The following TCTN3 variants were observed in gnomAD, a reference collection of about 807,000 sequenced individuals.
The protein encoded by TCTN3 is tectonic family member 3.
In TCTN3, 57 loss-of-function variants were observed where a neutral mutation model predicts 71.3. The ratio of observed to expected loss-of-function variants is 0.80; its 90% CI spans 0.65 to 1.00. TCTN3 has a LOEUF of 1.00. TCTN3 is among the 50% of genes least tolerant of loss of function. The pLI, the probability that TCTN3 is intolerant of heterozygous loss-of-function variation, is 0.00. For synonymous variants in TCTN3, 258 were observed against 267.8 expected, an observed-to-expected ratio of 0.96 and a Z score of 0.36; for missense variants, 696 against 719.9, an observed-to-expected ratio of 0.97 and a Z score of 0.38.
At chr10:95,684,666 G>A (rs1368460765) in intron 8 of TCTN3, 42 bp from the exon 9 acceptor site, 1 of 1,606,942 alleles carries the variant, frequency 6.2e-7, no homozygotes, top group Admixed American at 1.7e-5. Flanking sequence ...GTAGTTATTG[G>A]GCCGAATATG....
intron 3 of TCTN3, among the ~76,000 whole-genome samples, chr10:95,692,580 CAAA>C (rs11346971): frequency 2.1e-5 from 3 of 143,012 alleles, no homozygotes; most frequent in African/African-American, 2.6e-5. Flanking sequence ...ATTCAAAGGA[CAAA>C]AAAAAAAAAA....
intron 13 of TCTN3, among the ~76,000 whole-genome samples, chr10:95,679,583 CTTTTTTTTTTTTTT>C (rs201828119): frequency 0.27 from 26,685 of 97,768 alleles, 2,869 homozygotes; most frequent in Middle Eastern, 0.38. Context: ...CTAGTCATTT[CTTTTTTTTTTTTTT>C]TTTTTTTTTT....
At chr10:95,687,746 G>C in intron 3 of TCTN3, 27 bp from the exon 4 acceptor site, 1 of 1,592,666 alleles carries the variant, frequency 6.3e-7, no homozygotes, top group Non-Finnish European at 8.5e-7. Flanking sequence ...AAGAAAAAGC[G>C]TTTAGATAAA....
chr10:95,671,786 C>T (rs2097931687), intron 13 of TCTN3, among the ~76,000 whole-genome samples: 2 of 152,016 alleles, frequency 1.3e-5, no homozygotes, highest in South Asian at 2.1e-4. Context: ...AGTAGAGACA[C>T]GGTTTCACCA....
At position 95,663,878 on chromosome 10, in the gene TCTN3, AT is replaced by A; in HGVS notation, c.*188del. ...CCTGCAGAGCCCAAAGCAGAGAGCT[AT>A]GATGAATAAAATATTTTTATTGCTT... On this transcript the variant is annotated 3_prime_UTR_variant, in exon 14 of 14. Coordinates refer to ENST00000371217, the MANE Select transcript of TCTN3 (RefSeq NM_015631.6). 1.8e-6 allele frequency: 1 copy of A among 563,238 alleles called. No homozygotes were observed. Among genetic ancestry groups the A allele is most frequent in the Non-Finnish European group, 3.1e-6 (1 of 317,864 alleles). 34.9% of individuals were successfully genotyped at this position (563,238 alleles called of 1,614,324 possible).
intron 13 of TCTN3, among the ~76,000 whole-genome samples, chr10:95,675,154 G>A (rs552787666): frequency 4.6e-5 from 7 of 152,246 alleles, no homozygotes; most frequent in South Asian, 4.1e-4. Context: ...GTTCAGTGGC[G>A]CGATCTCGGC....
rs907002168 is a variant in TCTN3, at chr10:95,693,395, T to C, written c.338A>G (p.His113Arg). ...CCCDRDCYLL[H>R]PRTVFSFCLP... is the part of the protein sequence containing the mutation. ...GCAGAAGGAGAAAACTGTCCTCGGA[T>C]GGAGAAGATAGCAGTCCCTGTCGCA... Residue 113 changes from histidine to arginine, a missense_variant, in exon 2 of 14, where the codon CAT becomes CGT. Physicochemically the swap from His to Arg is conservative, Grantham distance 29. Coordinates refer to ENST00000371217, the MANE Select transcript of TCTN3 (RefSeq NM_015631.6). 7 of 1,551,660 alleles carry C rather than the reference T, an allele frequency of 4.5e-6. No homozygotes were observed. Among genetic ancestry groups the C allele is most frequent in the African/African-American group, 2.7e-5 (2 of 73,182 alleles).
At position 95,664,212 on chromosome 10, in the gene TCTN3, G is replaced by A; in HGVS notation, c.1679C>T (p.Pro560Leu). ...TQKPQPPRGQ[P>L]KMDWKWPFDF... Reference sequence around the variant, plus strand: ...GAATGGCCATTTCCAGTCCATTTTGGGTTGGCCCCTTGGAGGCTGTGGCTT... The same window carrying A: ...GAATGGCCATTTCCAGTCCATTTTGAGTTGGCCCCTTGGAGGCTGTGGCTT... The change falls in exon 14 of 14, where the codon CCC (proline) becomes CTC (leucine). Residue 560 changes from proline (P) to leucine (L), a missense_variant. By Grantham distance (98) the Pro-to-Leu change is moderately conservative. Coordinates refer to ENST00000371217, the MANE Select transcript of TCTN3 (RefSeq NM_015631.6). 6.2e-7 allele frequency: 1 copy of A among 1,614,166 alleles called. No individual in the cohort carries two copies. The highest frequency in any genetic ancestry group is 1.3e-5 in the African/African-American group (1 of 75,032).
intron 13 of TCTN3, among the ~76,000 whole-genome samples, chr10:95,678,461 A>G (rs2097939607): frequency 6.8e-6 from 1 of 146,112 alleles, no homozygotes; most frequent in Non-Finnish European, 1.5e-5. Flanking sequence ...TGAACCTGGG[A>G]GGCGAAGGTT....
At chr10:95,684,763 C>T (rs1373757563) in intron 8 of TCTN3, 139 bp from the exon 9 acceptor site, 2 of 855,520 alleles carry the variant, frequency 2.3e-6, no homozygotes, top group African/African-American at 3.4e-5. Flanking sequence ...ATGCCAAACA[C>T]AAATACTATG....
chr10:95,685,443 G>C (rs1251182349), intron 8 of TCTN3, 113 bp downstream of exon 8: 1 of 760,238 alleles, frequency 1.3e-6, no homozygotes, highest in African/African-American at 1.8e-5. Context: ...AACATTGTTA[G>C]AGAATGCAAA....
chr10:95,685,725 T>C, intron 7 of TCTN3, 89 bp from the exon 8 acceptor site: 1 of 1,070,848 alleles, frequency 9.3e-7, no homozygotes, highest in Non-Finnish European at 1.4e-6. Context: ...GATGAGTATT[T>C]TTCCTTCCCC....
chr10:95,666,139 A>G (rs1207892822), intron 13 of TCTN3, among the ~76,000 whole-genome samples: 3 of 151,536 alleles, frequency 2.0e-5, no homozygotes, highest in Non-Finnish European at 2.9e-5. Flanking sequence ...ACAGGATTTC[A>G]CAGTGTCCAG....
chr10:95,687,053 T>C lies in TCTN3; in HGVS notation c.843A>G (p.Thr281=), dbSNP rs768907277. The C allele has an allele frequency of 1.9e-6, 3 of 1,613,670 alleles. No individual in the cohort carries two copies. In the Admixed American group the frequency reaches 5.0e-5, roughly 27 times the overall value. Residue 281 remains threonine, a synonymous_variant, in exon 6 of 14, where the codon ACA becomes ACG. Coordinates refer to ENST00000371217, the MANE Select transcript of TCTN3 (RefSeq NM_015631.6). ...ALNAASYYNF[T]VLKVPRSMTD... is the part of the protein sequence containing the mutation. ...GAGAAAGGACACCTACCTTTAAGAC[T>C]GTGAAGTTATAGTAAGAGGCAGCAT...
Position 95,693,914 on chromosome 10 carries a change from C to T in TCTN3, c.-15G>A, listed in dbSNP as rs2097956464. ...GGGGTGCGCATGGGGCATTCAGGGC[C>T]TCCGGGTCCGACGTAGGCCTCCGCG... On this transcript the variant is annotated 5_prime_UTR_variant, in exon 1 of 14. Transcript: ENST00000371217. The T allele has an allele frequency of 2.6e-6, 4 of 1,551,556 alleles. No homozygotes were observed. The highest frequency in any genetic ancestry group is 3.5e-6 in the Non-Finnish European group (4 of 1,146,950).
intron 13 of TCTN3, 121 bp downstream of exon 13, chr10:95,680,351 A>C (rs75892570): frequency 1.8e-6 from 1 of 568,576 alleles, no homozygotes; most frequent in Non-Finnish European, 2.3e-6. Context: ...CACTTTAAAC[A>C]AACATTGGTT....
intron 3 of TCTN3, among the ~76,000 whole-genome samples, chr10:95,688,614 T>A (rs2097950864): frequency 6.6e-6 from 1 of 152,044 alleles, no homozygotes; most frequent in Non-Finnish European, 1.5e-5. Context: ...AACTGACGAG[T>A]CCTAACAATG....
At chr10:95,672,699 T>TC (rs1186957069) in intron 13 of TCTN3, among the ~76,000 whole-genome samples, 2 of 147,374 alleles carry the variant, frequency 1.4e-5, no homozygotes, top group Admixed American at 6.8e-5. Context: ...TTTTTTTTTT[T>TC]TTTTTTTTTT....
intron 13 of TCTN3, among the ~76,000 whole-genome samples, chr10:95,667,658 G>A (rs2097926969): frequency 6.6e-6 from 1 of 152,108 alleles, no homozygotes; most frequent in African/African-American, 2.4e-5. Context: ...AGTGAGGCAT[G>A]GAATGAAAAA....
Sources: allele counts gnomAD v4.1 joint callset (sites outside exome capture counted in the v4.1 genomes callset), GRCh38; gene constraint gnomAD v4.1.1; transcripts MANE v1.5; gene names NCBI Gene and HGNC (gene_info 2026-07-23, HGNC 2026-07-21).